Variants in WBP1L observed in about 807,000 individuals in gnomAD.
WBP1L encodes WW domain binding protein 1 like.
Under a neutral mutation model 33.7 loss-of-function variants are expected in WBP1L, and 17 were observed. The ratio of observed to expected loss-of-function variants is 0.50; its 90% CI spans 0.34 to 0.76. The LOEUF is 0.76. Ranked by LOEUF, WBP1L falls within the 30% of genes least tolerant of loss-of-function variation. The pLI is 0.01. For missense variants in WBP1L, 389 were observed against 469.4 expected, an observed-to-expected ratio of 0.83 and a Z score of 1.58; for synonymous variants, 173 against 190.8, an observed-to-expected ratio of 0.91 and a Z score of 0.77.
Position 102,798,131 on chromosome 10 carries a change from G to T in WBP1L, c.193+36G>T, listed in dbSNP as rs779375324. ...GCTTGGGTGCCTCTCAGTATCCCAGGGTCCCAGTTACTGCCTCTGCTTAGT... is the reference window on the plus strand; with the variant it reads ...GCTTGGGTGCCTCTCAGTATCCCAGTGTCCCAGTTACTGCCTCTGCTTAGT... On this transcript the variant is annotated intron_variant, in intron 2 of 3. Coordinates refer to ENST00000448841, the MANE Select transcript of WBP1L (RefSeq NM_001083913.2). 3 of 1,580,970 alleles carry T rather than the reference G, an allele frequency of 1.9e-6. No individual in the cohort carries two copies. In the Admixed American group the frequency reaches 5.0e-5, roughly 26 times the overall value.
chr10:102,773,623 C>T (rs1029567025), intron 1 of WBP1L, among the ~76,000 whole-genome samples: 1 of 151,988 alleles, frequency 6.6e-6, no homozygotes, highest in Non-Finnish European at 1.5e-5. Flanking sequence ...CTTAGTGGCT[C>T]ATGCCTGTAA....
At chr10:102,755,598 G>T (rs1431393876) in intron 1 of WBP1L, among the ~76,000 whole-genome samples, 1 of 151,592 alleles carries the variant, frequency 6.6e-6, no homozygotes, top group Non-Finnish European at 1.5e-5. Context: ...TCACCATGTT[G>T]GCCAGGCTGG....
At chr10:102,760,670 T>C (rs1414617927) in intron 1 of WBP1L, among the ~76,000 whole-genome samples, 1 of 151,910 alleles carries the variant, frequency 6.6e-6, no homozygotes, top group Non-Finnish European at 1.5e-5. Flanking sequence ...CCACCGTGCC[T>C]GGCCGAGTCT....
chr10:102,808,861 G>C (rs1843782262), intron 2 of WBP1L, among the ~76,000 whole-genome samples: 1 of 132,714 alleles, frequency 7.5e-6, no homozygotes, highest in African/African-American at 2.6e-5. Context: ...AGTTGCGGGG[G>C]AGGGGAGATG....
At chr10:102,750,621 C>T (rs1842916428) in intron 1 of WBP1L, among the ~76,000 whole-genome samples, 1 of 151,946 alleles carries the variant, frequency 6.6e-6, no homozygotes, top group Non-Finnish European at 1.5e-5. Flanking sequence ...CCTGCCTCAG[C>T]CTCCTGAGTA....
intron 1 of WBP1L, among the ~76,000 whole-genome samples, chr10:102,790,602 C>A (rs942233516): frequency 5.9e-5 from 9 of 152,056 alleles, no homozygotes; most frequent in African/African-American, 1.7e-4. Flanking sequence ...CCTCTGCCTC[C>A]CGGGTTCAAG....
rs1399960333 is a variant in WBP1L at position 102,763,902 on chromosome 10, C to A, written c.90+19759C>A. 2.0e-5 allele frequency among the ~76,000 whole-genome samples: 3 copies of A among 152,298 alleles called. No individual in the cohort carries two copies. In the East Asian group the frequency reaches 5.8e-4, roughly 29 times the overall value. On this transcript the variant is annotated intron_variant, in intron 1 of 3. Transcript: ENST00000448841. ...GATCTCGACTCACTGCAACCTCTGC[C>A]TCCCAGATTCCAGCAATTCTCATGC...
At chr10:102,776,516 C>A in intron 1 of WBP1L, 1 of 1,514,684 alleles carries the variant, frequency 6.6e-7, no homozygotes, top group Non-Finnish European at 9.2e-7. Context: ...TTAGCAAATG[C>A]CTCTCAGTTA....
chr10:102,783,620 C>T (rs1843368310), intron 1 of WBP1L, among the ~76,000 whole-genome samples: 1 of 152,228 alleles, frequency 6.6e-6, no homozygotes, highest in Non-Finnish European at 1.5e-5. Context: ...TAAACTGGGA[C>T]AGTTTTGCCC....
chr10:102,798,151 C>T (rs1843600312), intron 2 of WBP1L, 56 bp downstream of exon 2: 2 of 1,478,568 alleles, frequency 1.4e-6, no homozygotes, highest in South Asian at 2.3e-5. Flanking sequence ...ACTGCCTCTG[C>T]TTAGTGGGAA....
chr10:102,770,560 G>T (rs1412202552), intron 1 of WBP1L, among the ~76,000 whole-genome samples: 1 of 152,154 alleles, frequency 6.6e-6, no homozygotes, highest in Admixed American at 6.5e-5. Flanking sequence ...AGCTCACCAG[G>T]TTCCCAAGAG....
intron 1 of WBP1L, among the ~76,000 whole-genome samples, chr10:102,762,649 C>T (rs1265474236): frequency 2.0e-5 from 3 of 152,208 alleles, no homozygotes; most frequent in African/African-American, 7.2e-5. Flanking sequence ...GAAAGATTAA[C>T]TTACGACGTT....
chr10:102,785,304 C>T (rs906743029), intron 1 of WBP1L, among the ~76,000 whole-genome samples: 1 of 151,770 alleles, frequency 6.6e-6, no homozygotes, highest in Non-Finnish European at 1.5e-5. Flanking sequence ...TCTCCTGCCT[C>T]AGCCTCCCGA....
chr10:102,813,666 GCTGGGA>G lies in WBP1L; in HGVS notation c.*339_*344del, dbSNP rs1230304568. The G allele has an allele frequency of 3.1e-6, 1 of 320,920 alleles. No homozygotes were observed. Among genetic ancestry groups the G allele is most frequent in the Non-Finnish European group, 5.8e-6 (1 of 172,746 alleles). The allele number at this position is 320,920 out of a possible 1,614,324, so 19.9% of individuals were successfully genotyped here. On this transcript the variant is annotated 3_prime_UTR_variant, in exon 4 of 4. Coordinates refer to ENST00000448841, the MANE Select transcript of WBP1L (RefSeq NM_001083913.2). ...GTTTTAAAAGCCCCCAAGGAAGGAGGCTGGGACTGTGCCCTGACATGATTCTTGGTG... is the reference window on the plus strand; with the variant it reads ...GTTTTAAAAGCCCCCAAGGAAGGAGGCTGTGCCCTGACATGATTCTTGGTG...
intron 1 of WBP1L, chr10:102,776,098 G>C: frequency 1.0e-6 from 1 of 985,198 alleles, no homozygotes; most frequent in Middle Eastern, 5.2e-4. Context: ...TTTCTGCTGC[G>C]CCTGAACTGA....
rs2134068166 is a variant in WBP1L at position 102,809,968 on chromosome 10, G to A, written c.269G>A (p.Arg90His). The change falls in exon 3 of 4, where the codon CGC (arginine) becomes CAC (histidine). Residue 90 changes from arginine to histidine, a missense_variant. Arg to His is a conservative substitution (Grantham distance 29). Coordinates refer to ENST00000448841, the MANE Select transcript of WBP1L (RefSeq NM_001083913.2). ...TGCCACCACCGCCGAGCCAAGCACC[G>A]CCTTCAGGCCCAGCAGCGGCAACAT... is the stretch of plus-strand genomic sequence containing the variant. ...CVCHHRRAKHRLQAQQRQHEI... is the reference protein window; with the variant it reads ...CVCHHRRAKHHLQAQQRQHEI... The A allele has an allele frequency of 2.5e-6, 4 of 1,613,898 alleles. No individual in the cohort carries two copies. Among genetic ancestry groups the A allele is most frequent in the Non-Finnish European group, 3.4e-6 (4 of 1,180,026 alleles).
intron 1 of WBP1L, among the ~76,000 whole-genome samples, chr10:102,767,934 A>G (rs1277657685): frequency 1.3e-5 from 2 of 152,168 alleles, no homozygotes; most frequent in Non-Finnish European, 2.9e-5. Flanking sequence ...TCTTTGCGTC[A>G]TCTTTTTCTG....
chr10:102,803,775 A>AT (rs1482739273), intron 2 of WBP1L, among the ~76,000 whole-genome samples: 1 of 151,852 alleles, frequency 6.6e-6, no homozygotes, highest in Non-Finnish European at 1.5e-5. Flanking sequence ...CGCCCAGCTA[A>AT]TTTTTTGTAT....
intron 1 of WBP1L, among the ~76,000 whole-genome samples, chr10:102,752,624 C>G (rs1190147710): frequency 6.6e-6 from 1 of 152,160 alleles, no homozygotes; most frequent in Non-Finnish European, 1.5e-5. Context: ...CAGTGAAAGC[C>G]TGATGGTCAG....
Sources: gnomAD v4.1 joint callset for allele counts (sites outside exome capture counted in the v4.1 genomes callset) on GRCh38, gnomAD v4.1.1 for gene constraint, MANE v1.5 for transcripts, NCBI Gene and HGNC (gene_info 2026-07-23, HGNC 2026-07-21) for gene names.